KATNAL1: variants seen among roughly 807,000 people sequenced by gnomAD.
KATNAL1 encodes the protein katanin p60 ATPase-containing subunit A-like 1.
A neutral mutation model predicts 55.2 loss-of-function variants in KATNAL1; 32 were observed. That is an observed-to-expected ratio of 0.58 (90% CI 0.44 to 0.78). The LOEUF is 0.78. Ranked by LOEUF, KATNAL1 falls within the 30% of genes least tolerant of loss-of-function variation. KATNAL1 has a pLI of 0.00. For synonymous variants in KATNAL1, 193 were observed against 193.6 expected, an observed-to-expected ratio of 1.00 and a Z score of 0.02; for missense variants, 466 against 600.9, an observed-to-expected ratio of 0.78 and a Z score of 2.35.
At chr13:30,282,817 T>G (rs1484751439) in intron 2 of KATNAL1, among the ~76,000 whole-genome samples, 1 of 149,934 alleles carries the variant, frequency 6.7e-6, no homozygotes, top group Non-Finnish European at 1.5e-5. Flanking sequence ...TAGCCAGGCG[T>G]GGTGGTGGGC....
chr13:30,203,980 ATAGT>A lies in KATNAL1; in HGVS notation c.*4556_*4559del, dbSNP rs1171054646. 2 of 152,206 alleles carry A rather than the reference ATAGT, an allele frequency of 1.3e-5. No individual in the cohort carries two copies. The highest frequency in any genetic ancestry group is 2.4e-5 in the African/African-American group (1 of 41,464). 9.4% of individuals were successfully genotyped at this position (152,206 alleles called of 1,614,324 possible). A position where few individuals can be genotyped will look rare whatever the true frequency, so the allele number is the denominator to read the frequency against. On this transcript the variant is annotated 3_prime_UTR_variant, in exon 11 of 11. Coordinates refer to ENST00000380615, the MANE Select transcript of KATNAL1 (RefSeq NM_032116.5). ...AGAGTTTTTAGCTTTTTCTGTAAAA[ATAGT>A]TAGTGGAGATGACAGTAAAACATTC...
At chr13:30,289,397 T>C (rs1881994308) in intron 1 of KATNAL1, among the ~76,000 whole-genome samples, 2 of 152,254 alleles carry the variant, frequency 1.3e-5, no homozygotes, top group Non-Finnish European at 2.9e-5. Flanking sequence ...ACTTCACTAT[T>C]GATAAATGAC....
chr13:30,293,801 T>C (rs1225005510), intron 1 of KATNAL1, among the ~76,000 whole-genome samples: 3 of 152,346 alleles, frequency 2.0e-5, no homozygotes, highest in Admixed American at 6.5e-5. Flanking sequence ...AATTTGAAGA[T>C]TCATGGCAAC....
rs1040122540 is a variant in KATNAL1, at chr13:30,241,164, T to C, written c.493-78A>G. 7.4e-6 allele frequency: 9 copies of C among 1,213,462 alleles called. No individual in the cohort carries two copies. In the African/African-American group the frequency reaches 7.7e-5, roughly 10 times the overall value. The allele number at this position is 1,213,462 out of a possible 1,614,324, so 75.2% of individuals were successfully genotyped here. ...ACATCATTACGCTTTGAAAACATTA[T>C]AATGCCATCACTTTCTAAATAATTT... On this transcript the variant is annotated intron_variant, in intron 4 of 10. Transcript: ENST00000380615.
chr13:30,221,170 T>G (rs1432485994), intron 9 of KATNAL1, among the ~76,000 whole-genome samples: 1 of 152,176 alleles, frequency 6.6e-6, no homozygotes, highest in African/African-American at 2.4e-5. Flanking sequence ...GTCAAAAAAG[T>G]GATCAAGGAA....
At chr13:30,228,709 C>T (rs1455877687) in intron 8 of KATNAL1, among the ~76,000 whole-genome samples, 3 of 152,082 alleles carry the variant, frequency 2.0e-5, no homozygotes, top group East Asian at 1.9e-4. Context: ...GATGAATAAC[C>T]GTGACTGTTT....
intron 2 of KATNAL1, among the ~76,000 whole-genome samples, chr13:30,282,954 CAAAAAAAAAAAGA>C (rs1240312031): frequency 2.8e-4 from 22 of 79,680 alleles, no homozygotes; most frequent in East Asian, 1.6e-3. Context: ...GACTCCGTCT[CAAAAAAAAAAAGA>C]AAAAAAAAAA....
chr13:30,232,321 C>T (rs1876183290), intron 6 of KATNAL1, among the ~76,000 whole-genome samples: 1 of 152,120 alleles, frequency 6.6e-6, no homozygotes, highest in Non-Finnish European at 1.5e-5. Context: ...CCAATTGCTA[C>T]TTTGGTTTGA....
chr13:30,215,863 C>T lies in KATNAL1; in HGVS notation c.1148-5421G>A, dbSNP rs924850367. 2.6e-5 allele frequency among the ~76,000 whole-genome samples: 4 copies of T among 152,206 alleles called. No individual in the cohort carries two copies. The Middle Eastern group carries it at 0.01, about 388-fold the overall frequency. Reference sequence around the variant, plus strand: ...ATGGGTGCAGCACACCAGCATGGCACATGTATACATATGTAACTAACCTGC... The same window carrying T: ...ATGGGTGCAGCACACCAGCATGGCATATGTATACATATGTAACTAACCTGC... On this transcript the variant is annotated intron_variant, in intron 9 of 10. Transcript: ENST00000380615.
intron 3 of KATNAL1, among the ~76,000 whole-genome samples, chr13:30,270,997 T>A: frequency 6.6e-6 from 1 of 151,982 alleles, no homozygotes; most frequent in East Asian, 1.9e-4. Flanking sequence ...GTAAATACTT[T>A]AAATAAGGTG....
In KATNAL1 at chr13:30,274,919, A is replaced by G. The variant is rs996086443; in HGVS notation, c.323+5144T>C. Among the ~76,000 whole-genome samples the G allele has an allele frequency of 5.3e-3, 780 of 145,890 alleles. 7 individuals carry two copies. The highest frequency in any genetic ancestry group is 0.014 in the African/African-American group (568 of 39,572). On this transcript the variant is annotated intron_variant, in intron 3 of 10. Transcript: ENST00000380615. ...CGCGCGCGCGCGCGCACACACACACACACACACACACACACACACACACAC... is the reference window on the plus strand; with the variant it reads ...CGCGCGCGCGCGCGCACACACACACGCACACACACACACACACACACACAC...
intron 2 of KATNAL1, among the ~76,000 whole-genome samples, chr13:30,282,020 A>G (rs780504241): frequency 4.3e-5 from 6 of 139,222 alleles, no homozygotes; most frequent in Non-Finnish European, 7.6e-5. Flanking sequence ...TATATTGCTT[A>G]TAAGTATTAT....
intron 1 of KATNAL1, among the ~76,000 whole-genome samples, chr13:30,305,702 G>C (rs1231322967): frequency 6.6e-6 from 1 of 152,208 alleles, no homozygotes; most frequent in Non-Finnish European, 1.5e-5. Flanking sequence ...AAATGTTACT[G>C]TTATGTGATT....
At chr13:30,292,929 T>C (rs1162996287) in intron 1 of KATNAL1, among the ~76,000 whole-genome samples, 2 of 152,328 alleles carry the variant, frequency 1.3e-5, no homozygotes, top group East Asian at 1.9e-4. Flanking sequence ...ACTGAAGTCA[T>C]TTAAATTCCT....
At chr13:30,262,053 G>A (rs914044053) in intron 3 of KATNAL1, among the ~76,000 whole-genome samples, 4 of 151,922 alleles carry the variant, frequency 2.6e-5, no homozygotes, top group African/African-American at 4.8e-5. Context: ...TAGAACTCAG[G>A]ATTAAGAATC....
chr13:30,279,273 A>C (rs1480297196), intron 3 of KATNAL1, among the ~76,000 whole-genome samples: 1 of 152,216 alleles, frequency 6.6e-6, no homozygotes, highest in Non-Finnish European at 1.5e-5. Flanking sequence ...TAGCAATGAA[A>C]GTTTATTATT....
At chr13:30,227,623 A>G (rs932144845) in intron 8 of KATNAL1, 77 bp from the exon 9 acceptor site, 1 of 1,502,594 alleles carries the variant, frequency 6.7e-7, no homozygotes, top group Admixed American at 1.9e-5. Context: ...CATTTCTTTT[A>G]GCCAAAGTGG....
At chr13:30,248,946 C>T (rs1878042666) in intron 4 of KATNAL1, among the ~76,000 whole-genome samples, 3 of 152,116 alleles carry the variant, frequency 2.0e-5, no homozygotes, top group Non-Finnish European at 4.4e-5. Flanking sequence ...GTATTCCCAG[C>T]TACTCAGGAG....
intron 9 of KATNAL1, among the ~76,000 whole-genome samples, chr13:30,222,959 G>A (rs1186193672): frequency 6.7e-6 from 1 of 150,236 alleles, no homozygotes; most frequent in Non-Finnish European, 1.5e-5. Flanking sequence ...GCCAGGCATA[G>A]TGGCACATGC....
Sources: gnomAD v4.1 joint callset for allele counts (sites outside exome capture counted in the v4.1 genomes callset) on GRCh38, gnomAD v4.1.1 for gene constraint, MANE v1.5 for transcripts, NCBI Gene and HGNC (gene_info 2026-07-23, HGNC 2026-07-21) for gene names.